CAMKMT: variants seen among roughly 807,000 people sequenced by gnomAD.
CAMKMT encodes CaM KMT.
Under a neutral mutation model 48.0 loss-of-function variants are expected in CAMKMT, and 53 were observed. That is an observed-to-expected ratio of 1.10 (90% CI 0.89 to 1.39). The LOEUF is 1.39. Ranked by LOEUF, CAMKMT falls within the 40% of genes most tolerant of loss-of-function variation. The pLI is 0.00. For synonymous variants in CAMKMT, 165 were observed against 152.3 expected, an observed-to-expected ratio of 1.08 and a Z score of -0.61; for missense variants, 428 against 402.7, an observed-to-expected ratio of 1.06 and a Z score of -0.54.
At chr2:44,632,953 T>G (rs1003429378) in intron 3 of CAMKMT, among the ~76,000 whole-genome samples, 3 of 152,210 alleles carry the variant, frequency 2.0e-5, no homozygotes, top group Admixed American at 6.5e-5. Context: ...TGTGATCATG[T>G]GAGTTAATAC....
chr2:44,755,239 C>T (rs1199144892), intron 9 of CAMKMT, among the ~76,000 whole-genome samples: 1 of 152,138 alleles, frequency 6.6e-6, no homozygotes, highest in East Asian at 1.9e-4. Context: ...TTGGCCTCCT[C>T]AGTTCCCCTG....
At position 44,707,412 on chromosome 2, in the gene CAMKMT, C is replaced by T. The variant is rs1573126748; in HGVS notation, c.506C>T (p.Ala169Val). 6.2e-7 allele frequency: 1 copy of T among 1,611,814 alleles called. No homozygotes were observed. Among genetic ancestry groups the T allele is most frequent in the Non-Finnish European group, 8.5e-7 (1 of 1,178,924 alleles). The change falls in exon 6 of 11, where the codon GCA becomes GTA. Residue 169 changes from alanine (A) to valine (V), a missense_variant. By Grantham distance (64) the Ala-to-Val change is moderately conservative. Transcript: ENST00000378494. Reference protein sequence around the residue: ...CLAGLMVAISADVKEVLLTDG... With the variant: ...CLAGLMVAISVDVKEVLLTDG... ...TTTTTTTTTCAGGTTGCTATTTCTG[C>T]AGATGTCAAAGAAGTTCTGTTAACT...
At position 44,387,922 on chromosome 2, in the gene CAMKMT, T is replaced by C. The variant is rs575250583; in HGVS notation, c.312-2319T>C. Among the ~76,000 whole-genome samples, 4 of 152,332 alleles carry C rather than the reference T, an allele frequency of 2.6e-5. No individual in the cohort carries two copies. The South Asian group carries it at 8.3e-4, about 32-fold the overall frequency. On this transcript the variant is annotated intron_variant, in intron 2 of 10. Coordinates refer to ENST00000378494, the MANE Select transcript of CAMKMT (RefSeq NM_024766.5). ...CTGCTGTTGATCTGATAGGATTTTC[T>C]TTATAGGTTACCTGGTGCTTTTGCC...
intron 3 of CAMKMT, among the ~76,000 whole-genome samples, chr2:44,683,079 C>T (rs1330298779): frequency 2.6e-5 from 4 of 152,098 alleles, no homozygotes; most frequent in Non-Finnish European, 5.9e-5. Context: ...TATATTGCTT[C>T]CTGGCCTCTA....
At position 44,634,034 on chromosome 2, in the gene CAMKMT, T is replaced by C. The variant is rs569785986; in HGVS notation, c.377-70249T>C. 2.0e-5 allele frequency among the ~76,000 whole-genome samples: 3 copies of C among 152,284 alleles called. No individual in the cohort carries two copies. The South Asian group carries it at 6.2e-4, about 32-fold the overall frequency. ...AAGCCTTACCTTTTGGTGTTTTCAC[T>C]GAATGCCTCTGTTATTTAATAATAT... On this transcript the variant is annotated intron_variant, in intron 3 of 10. Coordinates refer to ENST00000378494, the MANE Select transcript of CAMKMT (RefSeq NM_024766.5).
intron 7 of CAMKMT, among the ~76,000 whole-genome samples, chr2:44,723,320 T>C (rs1032159292): frequency 6.6e-6 from 1 of 151,992 alleles, no homozygotes; most frequent in Non-Finnish European, 1.5e-5. Context: ...TTGCCGGGAG[T>C]TGTAGCTCAT....
At chr2:44,740,912 T>G (rs979768615) in intron 7 of CAMKMT, among the ~76,000 whole-genome samples, 3 of 152,104 alleles carry the variant, frequency 2.0e-5, no homozygotes, top group African/African-American at 7.2e-5. Flanking sequence ...CTAGAAAGAA[T>G]GAGCTGTGAA....
intron 7 of CAMKMT, 100 bp downstream of exon 7, chr2:44,715,453 C>T: frequency 9.6e-6 from 8 of 829,436 alleles, no homozygotes; most frequent in Non-Finnish European, 1.6e-5. Context: ...TTATTGAGCA[C>T]CTGCTGTGTG....
At chr2:44,567,940 C>T (rs1668702664) in intron 3 of CAMKMT, among the ~76,000 whole-genome samples, 1 of 151,962 alleles carries the variant, frequency 6.6e-6, no homozygotes, top group South Asian at 2.1e-4. Context: ...AGGTAAAATG[C>T]TACTCCTGTT....
intron 3 of CAMKMT, among the ~76,000 whole-genome samples, chr2:44,601,351 G>A (rs898699571): frequency 6.6e-6 from 1 of 152,200 alleles, no homozygotes; most frequent in Admixed American, 6.5e-5. Context: ...AGCTACTCGG[G>A]AGGCTGAGGC....
chr2:44,495,165 G>C (rs1669696979), intron 3 of CAMKMT, among the ~76,000 whole-genome samples: 1 of 152,094 alleles, frequency 6.6e-6, no homozygotes, highest in South Asian at 2.1e-4. Context: ...TTTTAGCCAG[G>C]TTCTTGCTCT....
intron 3 of CAMKMT, among the ~76,000 whole-genome samples, chr2:44,517,879 T>A (rs1291497686): frequency 1.3e-5 from 2 of 152,236 alleles, no homozygotes; most frequent in East Asian, 3.8e-4. Flanking sequence ...GTTTAATTAA[T>A]TTGTTTCCTA....
intron 3 of CAMKMT, among the ~76,000 whole-genome samples, chr2:44,567,476 G>C (rs1341550608): frequency 6.6e-6 from 1 of 152,186 alleles, no homozygotes; most frequent in Non-Finnish European, 1.5e-5. Flanking sequence ...GAAACATCTT[G>C]CTTCTCTCCC....
intron 3 of CAMKMT, among the ~76,000 whole-genome samples, chr2:44,424,499 T>G (rs542284285): frequency 2.0e-5 from 3 of 152,308 alleles, no homozygotes; most frequent in African/African-American, 7.2e-5. Flanking sequence ...CAATGTTTCC[T>G]CATACAATAT....
At chr2:44,444,037 T>A (rs1460612942) in intron 3 of CAMKMT, among the ~76,000 whole-genome samples, 2 of 152,068 alleles carry the variant, frequency 1.3e-5, no homozygotes, top group Non-Finnish European at 2.9e-5. Context: ...TTGGAAGAGG[T>A]CTTTGAAGGA....
chr2:44,470,209 T>A (rs527399175), intron 3 of CAMKMT, among the ~76,000 whole-genome samples: 4 of 152,254 alleles, frequency 2.6e-5, no homozygotes, highest in African/African-American at 9.6e-5. Flanking sequence ...GTTCTAACAT[T>A]CTCAATTCTG....
chr2:44,613,044 A>AG (rs960331341), intron 3 of CAMKMT, among the ~76,000 whole-genome samples: 2 of 152,222 alleles, frequency 1.3e-5, no homozygotes, highest in African/African-American at 4.8e-5. Flanking sequence ...AGAAGAATAT[A>AG]GGAATCTATG....
chr2:44,631,973 T>C (rs1345228168), intron 3 of CAMKMT, among the ~76,000 whole-genome samples: 2 of 152,142 alleles, frequency 1.3e-5, no homozygotes, highest in African/African-American at 4.8e-5. Flanking sequence ...AAGAATATAC[T>C]TCCACTTCCC....
chr2:44,767,070 C>T (rs1680873522), intron 10 of CAMKMT, among the ~76,000 whole-genome samples: 1 of 152,140 alleles, frequency 6.6e-6, no homozygotes, highest in Non-Finnish European at 1.5e-5. Flanking sequence ...CAGATGGAGG[C>T]ACTACAAGAT....
Sources: gnomAD v4.1 joint callset for allele counts (sites outside exome capture counted in the v4.1 genomes callset) on GRCh38, gnomAD v4.1.1 for gene constraint, MANE v1.5 for transcripts, NCBI Gene and HGNC (gene_info 2026-07-23, HGNC 2026-07-21) for gene names.